Variants in APP observed in about 807,000 individuals in gnomAD.
APP encodes amyloid-beta precursor protein.
APP carries 31 observed loss-of-function variants against 101.4 expected under a neutral mutation model. That is an observed-to-expected ratio of 0.31 (90% CI 0.23 to 0.41). The LOEUF is 0.41. Among genes scored for constraint, APP ranks in the 10% least tolerant of loss-of-function variants. The probability of loss-of-function intolerance (pLI) is 1.00; values close to 1 mark genes in which losing one functional copy is unlikely to be tolerated. For missense variants in APP, 839 were observed against 1,003.7 expected (o/e 0.84, Z 2.22); for synonymous variants, 366 against 364.4 (o/e 1.00, Z -0.05).
At chr21:26,057,031 A>G (rs1302790345) in intron 3 of APP, among the ~76,000 whole-genome samples, 1 of 152,242 alleles carries the variant, frequency 6.6e-6, no homozygotes, top group Non-Finnish European at 1.5e-5. Context: ...TAATTAAAAA[A>G]TATTGTACTT....
intron 5 of APP, 35 bp from the exon 6 acceptor site, chr21:26,022,077 A>G (rs2146780996): frequency 6.2e-7 from 1 of 1,607,198 alleles, no homozygotes; most frequent in East Asian, 2.2e-5. Flanking sequence ...GAAAAAGTCA[A>G]TTAAACACAT....
At chr21:26,015,340 C>T (rs1309132904) in intron 6 of APP, among the ~76,000 whole-genome samples, 2 of 152,140 alleles carry the variant, frequency 1.3e-5, no homozygotes, top group Admixed American at 1.3e-4. Flanking sequence ...AAAGTGTTTC[C>T]TATAAATTAA....
At chr21:26,081,199 A>G (rs1315082174) in intron 3 of APP, among the ~76,000 whole-genome samples, 1 of 152,196 alleles carries the variant, frequency 6.6e-6, no homozygotes, top group Admixed American at 6.5e-5. Flanking sequence ...CCATTAATAG[A>G]AAAACAGTTG....
In APP at chr21:26,102,886, T is replaced by C. The variant is rs573569747; in HGVS notation, c.225+9093A>G. Among the ~76,000 whole-genome samples the C allele has an allele frequency of 3.5e-5, 3 of 85,028 alleles. No individual in the cohort carries two copies. The Admixed American group carries it at 4.5e-4, about 13-fold the overall frequency. 55.8% of individuals were successfully genotyped at this position (85,028 alleles called of 152,430 possible). On this transcript the variant is annotated intron_variant, in intron 2 of 17. Coordinates refer to ENST00000346798, the MANE Select transcript of APP (RefSeq NM_000484.4). ...GCCTGGTTGATGGAGTGGGACTCTG[T>C]CTCAAAAAAAAAAAAAAAAAAAAAA...
At chr21:25,965,028 T>A (rs2041737879) in intron 11 of APP, among the ~76,000 whole-genome samples, 1 of 152,216 alleles carries the variant, frequency 6.6e-6, no homozygotes, top group Admixed American at 6.5e-5. Flanking sequence ...AGAACTGAAA[T>A]TTAGCACCCA....
chr21:25,926,288 G>A (rs1180240325), intron 13 of APP, among the ~76,000 whole-genome samples: 1 of 152,160 alleles, frequency 6.6e-6, no homozygotes, highest in Non-Finnish European at 1.5e-5. Context: ...TTAGCAGACG[G>A]GCCTTCACTA....
intron 3 of APP, among the ~76,000 whole-genome samples, chr21:26,055,702 C>A (rs899829018): frequency 6.6e-6 from 1 of 152,202 alleles, no homozygotes; most frequent in Admixed American, 6.5e-5. Flanking sequence ...AATGTCCAAA[C>A]TAAGAAGTGA....
At chr21:25,883,912 G>C (rs1028594837) in intron 17 of APP, among the ~76,000 whole-genome samples, 2 of 151,784 alleles carry the variant, frequency 1.3e-5, no homozygotes, top group Non-Finnish European at 2.9e-5. Context: ...CATTTTTTTT[G>C]AGTTGGAGTC....
chr21:25,982,506 GA>G (rs749470285), intron 8 of APP, 29 bp from the exon 9 acceptor site: 16 of 1,604,218 alleles, frequency 1.0e-5, no homozygotes, highest in South Asian at 3.3e-5. Context: ...GGAGGTTTGA[GA>G]AAAAAAAGCC....
At chr21:25,899,828 C>T (rs2038323339) in intron 15 of APP, among the ~76,000 whole-genome samples, 2 of 152,166 alleles carry the variant, frequency 1.3e-5, no homozygotes, top group Admixed American at 1.3e-4. Context: ...CTAGGGCTTT[C>T]TTTTCTCATG....
At chr21:25,968,927 G>C (rs1262193398) in intron 11 of APP, among the ~76,000 whole-genome samples, 2 of 152,108 alleles carry the variant, frequency 1.3e-5, no homozygotes, top group African/African-American at 2.4e-5. Flanking sequence ...GCATTTTCCA[G>C]GCACGGTGGT....
At chr21:26,104,098 G>A (rs1334573218) in intron 2 of APP, among the ~76,000 whole-genome samples, 1 of 152,146 alleles carries the variant, frequency 6.6e-6, no homozygotes, top group Non-Finnish European at 1.5e-5. Flanking sequence ...CGTTTGAGCA[G>A]GGAGAAAAAG....
At chr21:26,102,469 T>A (rs2062084061) in intron 2 of APP, among the ~76,000 whole-genome samples, 1 of 152,142 alleles carries the variant, frequency 6.6e-6, no homozygotes, top group South Asian at 2.1e-4. Context: ...TTTTAGCCCC[T>A]GGTTTTAGAA....
At chr21:25,941,944 T>G (rs1030330638) in intron 13 of APP, 1 of 152,198 alleles carries the variant, frequency 6.6e-6, no homozygotes, top group African/African-American at 2.4e-5. Flanking sequence ...AAACTTTGCT[T>G]GTCCTGCACT....
At chr21:25,947,895 C>T (rs2040892741) in intron 13 of APP, among the ~76,000 whole-genome samples, 2 of 149,748 alleles carry the variant, frequency 1.3e-5, no homozygotes, top group Admixed American at 6.8e-5. Context: ...GTCTCAGCTA[C>T]TTGGGAGGCT....
At chr21:26,166,124 T>C (rs1461814968) in intron 1 of APP, among the ~76,000 whole-genome samples, 1 of 152,184 alleles carries the variant, frequency 6.6e-6, no homozygotes, top group Non-Finnish European at 1.5e-5. Context: ...CACACTAAAC[T>C]GAAAAAATAG....
At chr21:25,900,980 T>TC (rs1225713257) in intron 15 of APP, among the ~76,000 whole-genome samples, 2 of 48,084 alleles carry the variant, frequency 4.2e-5, no homozygotes, top group African/African-American at 2.3e-4. Flanking sequence ...AGAGTGAGAC[T>TC]CCATCTCAAA....
intron 9 of APP, among the ~76,000 whole-genome samples, chr21:25,982,090 G>A (rs892038187): frequency 2.0e-5 from 3 of 152,042 alleles, no homozygotes; most frequent in Admixed American, 6.6e-5. Flanking sequence ...ACCTTTCTTC[G>A]CCAGAGAGAA....
Position 26,120,132 on chromosome 21 carries a change from T to C in APP, c.58-7986A>G, listed in dbSNP as rs550828085. ...ATAAATGGTTATTGTTCTAAGCCAC[T>C]AAATTTTGGAGTGAGTTTGTGGCTT... On this transcript the variant is annotated intron_variant, in intron 1 of 17. Coordinates refer to ENST00000346798, the MANE Select transcript of APP (RefSeq NM_000484.4). Among the ~76,000 whole-genome samples, 9 of 152,328 alleles carry C rather than the reference T, an allele frequency of 5.9e-5. No homozygotes were observed. The South Asian group carries it at 1.9e-3, about 32-fold the overall frequency.
Sources: gnomAD v4.1 joint callset for allele counts (sites outside exome capture counted in the v4.1 genomes callset) on GRCh38, gnomAD v4.1.1 for gene constraint, MANE v1.5 for transcripts, NCBI Gene and HGNC (gene_info 2026-07-23, HGNC 2026-07-21) for gene names.